Variants in ST6GALNAC3 observed in about 807,000 individuals in gnomAD.
ST6GALNAC3 encodes alpha-N-acetylgalactosaminide alpha-2,6-sialyltransferase 3.
A neutral mutation model predicts 32.7 loss-of-function variants in ST6GALNAC3; 25 were observed. The ratio of observed to expected loss-of-function variants is 0.76; its 90% CI spans 0.56 to 1.07. The LOEUF (loss-of-function observed/expected upper bound fraction) is 1.07. Ranked by LOEUF, ST6GALNAC3 falls within the 50% of genes least tolerant of loss-of-function variation. ST6GALNAC3 has a pLI of 0.00. For missense variants in ST6GALNAC3, 355 were observed against 382.4 expected, an observed-to-expected ratio of 0.93 and a Z score of 0.60; for synonymous variants, 129 against 133.1, an observed-to-expected ratio of 0.97 and a Z score of 0.21.
chr1:76,099,149 T>C (rs979447668), intron 1 of ST6GALNAC3, among the ~76,000 whole-genome samples: 6 of 152,280 alleles, frequency 3.9e-5, no homozygotes, highest in African/African-American at 1.4e-4. Context: ...AATGTCACAC[T>C]GTAGTTTTTT....
chr1:76,075,395 TCTATGAGATCTG>T (rs1571086074), intron 1 of ST6GALNAC3, among the ~76,000 whole-genome samples: 1 of 152,222 alleles, frequency 6.6e-6, no homozygotes, highest in East Asian at 1.9e-4. Context: ...GAATGAGTTT[TCTATGAGATCTG>T]CTAGCTCTGT....
chr1:76,224,705 A>G (rs1655970214), intron 1 of ST6GALNAC3, among the ~76,000 whole-genome samples: 1 of 152,194 alleles, frequency 6.6e-6, no homozygotes, highest in South Asian at 2.1e-4. Context: ...CCAAAGAGAC[A>G]AGGGGCCTAG....
intron 1 of ST6GALNAC3, among the ~76,000 whole-genome samples, chr1:76,140,797 A>ATTTT (rs3042284): frequency 8.3e-6 from 1 of 120,414 alleles, no homozygotes; most frequent in Non-Finnish European, 1.7e-5. Flanking sequence ...TAATTTTCTA[A>ATTTT]TTTTTTTTTT....
intron 2 of ST6GALNAC3, among the ~76,000 whole-genome samples, chr1:76,369,363 A>G (rs17098842): frequency 0.043 from 6,585 of 152,272 alleles, 206 homozygotes; most frequent in African/African-American, 0.08. Context: ...CAGGTAGAAC[A>G]ACAACTAATA....
At chr1:76,247,873 GA>G (rs1168163364) in intron 1 of ST6GALNAC3, among the ~76,000 whole-genome samples, 1 of 151,892 alleles carries the variant, frequency 6.6e-6, no homozygotes, top group South Asian at 2.1e-4. Context: ...ACTGGGATAC[GA>G]AAAAACTCCT....
chr1:76,393,828 T>C (rs1000000805), intron 2 of ST6GALNAC3, among the ~76,000 whole-genome samples: 11 of 152,226 alleles, frequency 7.2e-5, no homozygotes, highest in South Asian at 2.1e-4. Context: ...AGAGAGTCTT[T>C]AGTGCGCTGA....
At chr1:76,167,143 G>T (rs1305193488) in intron 1 of ST6GALNAC3, among the ~76,000 whole-genome samples, 1 of 152,154 alleles carries the variant, frequency 6.6e-6, no homozygotes, top group African/African-American at 2.4e-5. Flanking sequence ...GTTTGTCATA[G>T]ATGGTTCTTA....
chr1:76,393,522 G>A (rs1472106173), intron 2 of ST6GALNAC3, among the ~76,000 whole-genome samples: 2 of 152,080 alleles, frequency 1.3e-5, no homozygotes, highest in Non-Finnish European at 2.9e-5. Context: ...ATTTTTCTAA[G>A]TAGCATTTTT....
At chr1:76,166,879 T>C (rs1652158085) in intron 1 of ST6GALNAC3, among the ~76,000 whole-genome samples, 1 of 152,234 alleles carries the variant, frequency 6.6e-6, no homozygotes, top group Non-Finnish European at 1.5e-5. Flanking sequence ...CTGAAGTTGT[T>C]TATCAGCTTA....
intron 1 of ST6GALNAC3, among the ~76,000 whole-genome samples, chr1:76,221,978 T>C (rs1166940444): frequency 6.6e-6 from 1 of 152,192 alleles, no homozygotes; most frequent in African/African-American, 2.4e-5. Flanking sequence ...ATGTGAATGA[T>C]GGACAGGAGA....
intron 2 of ST6GALNAC3, among the ~76,000 whole-genome samples, chr1:76,335,006 C>T (rs977605630): frequency 6.6e-6 from 1 of 152,040 alleles, no homozygotes; most frequent in Non-Finnish European, 1.5e-5. Flanking sequence ...TAATATTAAA[C>T]CCTGAGATAA....
chr1:76,382,473 A>T (rs754724115), intron 2 of ST6GALNAC3, among the ~76,000 whole-genome samples: 3 of 152,208 alleles, frequency 2.0e-5, no homozygotes, highest in African/African-American at 7.2e-5. Flanking sequence ...CAGATTATGC[A>T]TAGTAGAAGA....
At chr1:76,263,648 T>G (rs921923034) in intron 1 of ST6GALNAC3, among the ~76,000 whole-genome samples, 1 of 152,158 alleles carries the variant, frequency 6.6e-6, no homozygotes, top group Non-Finnish European at 1.5e-5. Context: ...TGGAATTGAT[T>G]TGGTTTCTCA....
intron 3 of ST6GALNAC3, among the ~76,000 whole-genome samples, chr1:76,521,170 A>C (rs758542747): frequency 6.6e-6 from 1 of 152,136 alleles, no homozygotes; most frequent in Admixed American, 6.6e-5. Flanking sequence ...ATACAACCTT[A>C]TAACACTTTA....
intron 1 of ST6GALNAC3, among the ~76,000 whole-genome samples, chr1:76,192,941 A>T (rs140483696): frequency 6.6e-6 from 1 of 152,140 alleles, no homozygotes; most frequent in African/African-American, 2.4e-5. Context: ...TTTTTTGCCC[A>T]GAAAGGTCAT....
chr1:76,188,776 G>C (rs3011988), intron 1 of ST6GALNAC3, among the ~76,000 whole-genome samples: 141,439 of 152,264 alleles, frequency 0.93, 66,602 homozygotes, highest in East Asian at 1. Flanking sequence ...AGTGGATCAT[G>C]ATAAAGGTCT....
chr1:76,123,378 CA>C (rs869281587), intron 1 of ST6GALNAC3, among the ~76,000 whole-genome samples: 1,586 of 63,342 alleles, frequency 0.025, 3 homozygotes, highest in Middle Eastern at 0.037. Context: ...GGCTCCATCT[CA>C]AAAAAAAAAA....
chr1:76,626,392 A>G (rs1648970696), intron 3 of ST6GALNAC3, among the ~76,000 whole-genome samples: 1 of 151,892 alleles, frequency 6.6e-6, no homozygotes, highest in Admixed American at 6.6e-5. Flanking sequence ...AAGGAGATGG[A>G]CAGTCATCTC....
At chr1:76,310,109 A>G (rs1210832407) in intron 1 of ST6GALNAC3, 3 of 383,546 alleles carry the variant, frequency 7.8e-6, no homozygotes, top group Non-Finnish European at 1.6e-5. Context: ...CTCTGAATAA[A>G]CAAAAGCACA....
Sources: gnomAD v4.1 joint callset for allele counts (sites outside exome capture counted in the v4.1 genomes callset) on GRCh38, gnomAD v4.1.1 for gene constraint, MANE v1.5 for transcripts, NCBI Gene and HGNC (gene_info 2026-07-23, HGNC 2026-07-21) for gene names.